DAB1: variants seen among roughly 807,000 people sequenced by gnomAD.
DAB1 encodes disabled homolog 1.
DAB1 carries 15 observed loss-of-function variants against 64.6 expected under a neutral mutation model. The observed-to-expected ratio is 0.23, with a 90% CI of 0.16 to 0.36. The LOEUF is 0.36. Ranked by LOEUF, DAB1 falls within the 10% of genes least tolerant of loss-of-function variation. The pLI is 1.00. For synonymous variants in DAB1, 235 were observed against 251.9 expected, an observed-to-expected ratio of 0.93 and a Z score of 0.64; for missense variants, 596 against 706.7, an observed-to-expected ratio of 0.84 and a Z score of 1.78.
chr1:57,264,782 C>A (rs538377118), intron 2 of DAB1, among the ~76,000 whole-genome samples: 10 of 152,292 alleles, frequency 6.6e-5, no homozygotes, highest in Non-Finnish European at 1.2e-4. Flanking sequence ...TGGCATTTTT[C>A]TTTGATTCCC....
At chr1:57,315,991 C>T (rs1435584684) in intron 1 of DAB1, among the ~76,000 whole-genome samples, 2 of 152,244 alleles carry the variant, frequency 1.3e-5, no homozygotes, top group Admixed American at 6.5e-5. Flanking sequence ...ACTTTTAAAA[C>T]GAGTTTAGGA....
At chr1:58,470,605 CA>C (rs991119388) in intron 3 of DAB1, among the ~76,000 whole-genome samples, 1 of 152,158 alleles carries the variant, frequency 6.6e-6, no homozygotes, top group African/African-American at 2.4e-5. Flanking sequence ...GTCTCATCAC[CA>C]AACTGGAAAC....
intron 1 of DAB1, among the ~76,000 whole-genome samples, chr1:57,830,837 C>T (rs1319845740): frequency 6.6e-6 from 1 of 152,152 alleles, no homozygotes; most frequent in African/African-American, 2.4e-5. Context: ...TAGATCCCAA[C>T]AAAAATCTTG....
chr1:57,780,707 T>G (rs1199676663), intron 6 of DAB1, among the ~76,000 whole-genome samples: 2 of 151,972 alleles, frequency 1.3e-5, no homozygotes, highest in African/African-American at 4.8e-5. Context: ...CCTTCCTTCC[T>G]TCTTTCTTTT....
chr1:57,211,406 C>A (rs1344453408), intron 2 of DAB1, among the ~76,000 whole-genome samples: 2 of 152,126 alleles, frequency 1.3e-5, no homozygotes, highest in Non-Finnish European at 1.5e-5. Flanking sequence ...CAAAGAAAGT[C>A]TGTTCTCTTC....
intron 4 of DAB1, among the ~76,000 whole-genome samples, chr1:58,171,837 A>C (rs998236713): frequency 2.6e-5 from 4 of 152,214 alleles, no homozygotes; most frequent in African/African-American, 9.6e-5. Context: ...GATATCTTGA[A>C]CTTTCTAGCT....
chr1:57,415,483 A>G (rs1684428222), intron 1 of DAB1, among the ~76,000 whole-genome samples: 1 of 152,238 alleles, frequency 6.6e-6, no homozygotes, highest in South Asian at 2.1e-4. Flanking sequence ...GTTAGATAGC[A>G]GAAGGTTGGC....
chr1:57,141,906 A>T (rs1397634857), intron 3 of DAB1, among the ~76,000 whole-genome samples: 1 of 152,186 alleles, frequency 6.6e-6, no homozygotes, highest in Admixed American at 6.5e-5. Context: ...CTTGTCGAAC[A>T]CAGGCCCTCT....
chr1:57,918,199 A>G (rs1359735975), intron 5 of DAB1, among the ~76,000 whole-genome samples: 4 of 152,168 alleles, frequency 2.6e-5, no homozygotes, highest in Admixed American at 2.6e-4. Flanking sequence ...AAAAGAAGCC[A>G]TAGACAATGT....
chr1:57,604,281 C>T (rs972237197), intron 7 of DAB1, among the ~76,000 whole-genome samples: 3 of 152,064 alleles, frequency 2.0e-5, no homozygotes, highest in Admixed American at 6.5e-5. Context: ...TTTGTGAAAC[C>T]GAAAATAAGT....
chr1:57,893,494 T>C (rs1403891752), intron 5 of DAB1, among the ~76,000 whole-genome samples: 1 of 152,154 alleles, frequency 6.6e-6, no homozygotes, highest in African/African-American at 2.4e-5. Context: ...CAGGATACAG[T>C]GAGGAGCCAG....
chr1:58,417,874 C>T (rs1435218656), intron 3 of DAB1, among the ~76,000 whole-genome samples: 1 of 152,178 alleles, frequency 6.6e-6, no homozygotes, highest in Non-Finnish European at 1.5e-5. Context: ...CCCCTATTTC[C>T]TCAACTATAA....
chr1:58,039,287 G>T (rs1647096806), intron 5 of DAB1, among the ~76,000 whole-genome samples: 1 of 152,174 alleles, frequency 6.6e-6, no homozygotes, highest in African/African-American at 2.4e-5. Context: ...GAACCAGACA[G>T]TGGGGACAGC....
intron 4 of DAB1, among the ~76,000 whole-genome samples, chr1:58,198,159 G>A (rs1657793963): frequency 6.6e-6 from 1 of 152,320 alleles, no homozygotes; most frequent in African/African-American, 2.4e-5. Flanking sequence ...GAAAGTCAGA[G>A]TACAGAGAGC....
At chr1:57,621,590 C>T (rs931747424) in intron 7 of DAB1, among the ~76,000 whole-genome samples, 3 of 151,912 alleles carry the variant, frequency 2.0e-5, no homozygotes, top group Non-Finnish European at 4.4e-5. Flanking sequence ...TAAGTTCCTC[C>T]GTGGAAAGGT....
At chr1:57,922,200 G>A (rs1644817992) in intron 5 of DAB1, among the ~76,000 whole-genome samples, 1 of 152,096 alleles carries the variant, frequency 6.6e-6, no homozygotes, top group African/African-American at 2.4e-5. Flanking sequence ...ACCACAATGA[G>A]TTCTTCAAAG....
chr1:57,940,164 G>A (rs1239139101), intron 5 of DAB1, among the ~76,000 whole-genome samples: 2 of 152,152 alleles, frequency 1.3e-5, no homozygotes, highest in Non-Finnish European at 2.9e-5. Context: ...TAGATATTCC[G>A]AGTTTGGTTT....
intron 2 of DAB1, among the ~76,000 whole-genome samples, chr1:57,183,867 G>GC (rs1663244139): frequency 6.6e-6 from 1 of 152,136 alleles, no homozygotes; most frequent in Admixed American, 6.5e-5. Flanking sequence ...GGTGAATGAA[G>GC]ACAAGGATGG....
chr1:57,261,649 AC>A lies in DAB1; in HGVS notation c.67+29314del, dbSNP rs1392008838. Among the ~76,000 whole-genome samples the A allele has an allele frequency of 2.6e-5, 4 of 152,274 alleles. No homozygotes were observed. In the East Asian group the frequency reaches 7.7e-4, roughly 29 times the overall value. On this transcript the variant is annotated intron_variant, in intron 2 of 14. Coordinates refer to ENST00000371236, the MANE Select transcript of DAB1 (RefSeq NM_001365792.1). ...TGCCAAAAGCATCACTCAGCTCAGTACCTGGCACATAGTAAGCACTCAGCAC... is the reference window on the plus strand; with the variant it reads ...TGCCAAAAGCATCACTCAGCTCAGTACTGGCACATAGTAAGCACTCAGCAC...
Sources: allele counts gnomAD v4.1 joint callset (sites outside exome capture counted in the v4.1 genomes callset), GRCh38; gene constraint gnomAD v4.1.1; transcripts MANE v1.5; gene names NCBI Gene and HGNC (gene_info 2026-07-23, HGNC 2026-07-21).